Variants in KCNQ3 observed in about 807,000 individuals in gnomAD.
KCNQ3 encodes the protein potassium voltage-gated channel subfamily Q member 3.
In KCNQ3, 30 loss-of-function variants were observed where a neutral mutation model predicts 92.5. That is an observed-to-expected ratio of 0.32 (90% CI 0.24 to 0.44). The LOEUF (loss-of-function observed/expected upper bound fraction) is 0.44. Ranked by LOEUF, KCNQ3 falls within the 20% of genes least tolerant of loss-of-function variation. The pLI is 1.00. For missense variants in KCNQ3, 913 were observed against 1,140.3 expected (o/e 0.80, Z 2.87); for synonymous variants, 450 against 468.8 (o/e 0.96, Z 0.52).
intron 7 of KCNQ3, among the ~76,000 whole-genome samples, chr8:132,170,657 T>C (rs910186785): frequency 2.0e-5 from 3 of 151,910 alleles, no homozygotes; most frequent in African/African-American, 7.3e-5. Flanking sequence ...AGTGGGGGAA[T>C]GGAGAGATGA....
intron 1 of KCNQ3, among the ~76,000 whole-genome samples, chr8:132,399,471 T>C (rs1268196141): frequency 6.6e-6 from 1 of 152,200 alleles, no homozygotes; most frequent in Non-Finnish European, 1.5e-5. Flanking sequence ...TTGGGAGTCA[T>C]TTTGTATGTG....
chr8:132,141,383 A>G lies in KCNQ3; in HGVS notation c.1263-52T>C, dbSNP rs764679975. The G allele has an allele frequency of 3.3e-6, 5 of 1,504,576 alleles. No homozygotes were observed. In the South Asian group the frequency reaches 5.6e-5, roughly 17 times the overall value. The allele number at this position is 1,504,576 out of a possible 1,614,324, so 93.2% of individuals were successfully genotyped here. On this transcript the variant is annotated intron_variant, in intron 9 of 14. Transcript: ENST00000388996. ...TTTCCTCCTTCAGTGCAGGCTCTTAAAATTTCCCATCCCTCCATAAAGACT... is the reference window on the plus strand; with the variant it reads ...TTTCCTCCTTCAGTGCAGGCTCTTAGAATTTCCCATCCCTCCATAAAGACT...
intron 8 of KCNQ3, 32 bp from the exon 9 acceptor site, chr8:132,163,526 A>G: frequency 6.3e-7 from 1 of 1,584,188 alleles, no homozygotes; most frequent in Non-Finnish European, 8.7e-7. Context: ...AAAATAAAGC[A>G]TAAATTACGT....
intron 1 of KCNQ3, among the ~76,000 whole-genome samples, chr8:132,271,575 T>C (rs1816149329): frequency 6.6e-6 from 1 of 152,230 alleles, no homozygotes; most frequent in South Asian, 2.1e-4. Flanking sequence ...CCTTTTATTA[T>C]TGTACTAATT....
At chr8:132,390,050 T>G (rs1013876859) in intron 1 of KCNQ3, among the ~76,000 whole-genome samples, 2 of 152,188 alleles carry the variant, frequency 1.3e-5, no homozygotes, top group African/African-American at 4.8e-5. Context: ...ATTGGTAGTA[T>G]GGTTATACAA....
chr8:132,241,600 G>A (rs1410452715), intron 1 of KCNQ3, among the ~76,000 whole-genome samples: 5 of 152,248 alleles, frequency 3.3e-5, no homozygotes, highest in East Asian at 1.9e-4. Flanking sequence ...TTGGGAGGCC[G>A]AGGCGGGCAG....
chr8:132,381,112 A>T (rs1351933850), intron 1 of KCNQ3, among the ~76,000 whole-genome samples: 1 of 152,224 alleles, frequency 6.6e-6, no homozygotes, highest in Non-Finnish European at 1.5e-5. Context: ...GACATTGCAC[A>T]CATATGCTCG....
chr8:132,393,012 A>G (rs1311421033), intron 1 of KCNQ3, among the ~76,000 whole-genome samples: 1 of 152,096 alleles, frequency 6.6e-6, no homozygotes, highest in Non-Finnish European at 1.5e-5. Flanking sequence ...GTTTTGTTCA[A>G]CTTCTCGGTC....
At chr8:132,443,026 G>C (rs1205206367) in intron 1 of KCNQ3, among the ~76,000 whole-genome samples, 4 of 152,118 alleles carry the variant, frequency 2.6e-5, no homozygotes. Context: ...ATCTGCGGCC[G>C]GTAATCCACA....
At chr8:132,213,359 T>C (rs1813924002) in intron 1 of KCNQ3, among the ~76,000 whole-genome samples, 1 of 152,194 alleles carries the variant, frequency 6.6e-6, no homozygotes, top group Non-Finnish European at 1.5e-5. Flanking sequence ...TTGCTTCCCC[T>C]TTCTTTACTT....
chr8:132,172,947 G>A (rs1388601338), intron 6 of KCNQ3, among the ~76,000 whole-genome samples: 2 of 152,214 alleles, frequency 1.3e-5, no homozygotes, highest in African/African-American at 4.8e-5. Context: ...TTCCAGGTGT[G>A]AGGGCCTGGG....
intron 1 of KCNQ3, among the ~76,000 whole-genome samples, chr8:132,273,475 G>T (rs1042825303): frequency 2.0e-5 from 3 of 152,174 alleles, no homozygotes; most frequent in Non-Finnish European, 4.4e-5. Flanking sequence ...TTTCTTCCTA[G>T]GCCTCTGGGC....
At chr8:132,336,578 C>A (rs966763526) in intron 1 of KCNQ3, among the ~76,000 whole-genome samples, 4 of 152,182 alleles carry the variant, frequency 2.6e-5, no homozygotes, top group African/African-American at 9.7e-5. Context: ...GCCAGGGAGC[C>A]TGCCTTTGGG....
intron 7 of KCNQ3, 50 bp from the exon 8 acceptor site, chr8:132,170,478 T>G (rs1826294777): frequency 2.5e-6 from 3 of 1,182,526 alleles, no homozygotes; most frequent in Non-Finnish European, 2.5e-6. Flanking sequence ...ACCTGAAACT[T>G]TCGCACAGAC....
intron 1 of KCNQ3, among the ~76,000 whole-genome samples, chr8:132,246,659 G>T (rs554726509): frequency 6.4e-4 from 97 of 152,326 alleles, no homozygotes; most frequent in African/African-American, 2.2e-3. Flanking sequence ...CGTTATATCA[G>T]ATTATTTAAT....
chr8:132,131,277 A>T (rs1281212054), intron 14 of KCNQ3, among the ~76,000 whole-genome samples: 2 of 152,242 alleles, frequency 1.3e-5, no homozygotes, highest in Non-Finnish European at 2.9e-5. Context: ...CAAAAGGATT[A>T]CTATGATCCT....
At chr8:132,389,216 G>A (rs1563891058) in intron 1 of KCNQ3, among the ~76,000 whole-genome samples, 1 of 152,192 alleles carries the variant, frequency 6.6e-6, no homozygotes, top group Non-Finnish European at 1.5e-5. Flanking sequence ...CAGCACTTTG[G>A]GAGGCTGAGG....
chr8:132,205,968 A>G (rs1016061200), intron 1 of KCNQ3, among the ~76,000 whole-genome samples: 5 of 152,164 alleles, frequency 3.3e-5, no homozygotes, highest in African/African-American at 9.7e-5. Flanking sequence ...AGACTTTGGT[A>G]TGTGAAGGTG....
chr8:132,217,176 G>A (rs891492080), intron 1 of KCNQ3, among the ~76,000 whole-genome samples: 3 of 152,120 alleles, frequency 2.0e-5, no homozygotes, highest in African/African-American at 7.2e-5. Context: ...CACGGTGGGA[G>A]TATTTATACC....
Sources: gnomAD v4.1 joint callset for allele counts (sites outside exome capture counted in the v4.1 genomes callset) on GRCh38, gnomAD v4.1.1 for gene constraint, MANE v1.5 for transcripts, NCBI Gene and HGNC (gene_info 2026-07-23, HGNC 2026-07-21) for gene names.